Variants in FHAD1 observed in about 807,000 individuals in gnomAD.
FHAD1 encodes forkhead associated phosphopeptide binding domain 1, also known as forkhead-associated domain-containing protein 1.
A neutral mutation model predicts 191.3 loss-of-function variants in FHAD1; 146 were observed. That is an observed-to-expected ratio of 0.76 (90% confidence interval 0.67 to 0.88). The LOEUF (loss-of-function observed/expected upper bound fraction) is 0.88. Ranked by LOEUF, FHAD1 falls within the 40% of genes least tolerant of loss-of-function variation. The pLI is 0.00. For synonymous variants in FHAD1, 616 were observed against 672.3 expected (o/e 0.92, Z 1.29); for missense variants, 1,635 against 1,785.8 (o/e 0.92, Z 1.52).
At chr1:15,367,135 T>C (rs1278794493) in intron 24 of FHAD1, among the ~76,000 whole-genome samples, 1 of 152,156 alleles carries the variant, frequency 6.6e-6, no homozygotes, top group African/African-American at 2.4e-5. Context: ...ATTCTATATC[T>C]GCTCACTCTT....
At position 15,365,481 on chromosome 1, in the gene FHAD1, A is replaced by ATTTT. The variant is rs71587751; in HGVS notation, c.3048-329_3048-326dup. Reference sequence around the variant, plus strand: ...AGCCACACACCACTATGCCTGGCTAATTTTTTTTTTTTTTTTTTTTGTAGA... The same window carrying ATTTT: ...AGCCACACACCACTATGCCTGGCTAATTTTTTTTTTTTTTTTTTTTTTTTGTAGA... On this transcript the variant is annotated intron_variant, in intron 23 of 33. Transcript: ENST00000688493. Among the ~76,000 whole-genome samples, 30 of 112,756 alleles carry ATTTT rather than the reference A, an allele frequency of 2.7e-4. 1 individual carries two copies. The highest frequency in any genetic ancestry group is 9.2e-4 in the East Asian group (4 of 4,336). The allele number at this position is 112,756 out of a possible 152,430, so 74.0% of individuals were successfully genotyped here. A position where few individuals can be genotyped will look rare whatever the true frequency, so the allele number is the denominator to read the frequency against.
chr1:15,276,970 C>T lies in FHAD1; in HGVS notation c.300+4441C>T, dbSNP rs932957349. 6.6e-6 allele frequency among the ~76,000 whole-genome samples: 1 copy of T among 152,126 alleles called. No homozygotes were observed. Among genetic ancestry groups the T allele is most frequent in the Non-Finnish European group, 1.5e-5 (1 of 68,022 alleles). ...ACTGACTCCCTGCCTAAGTGTCAGG[C>T]GTGTGAAATCCAAGTCACAAAGTCA... On this transcript the variant is annotated intron_variant, in intron 3 of 33. Transcript: ENST00000688493. The surrounding 1 kb of genome is among the most constrained non-coding windows in gnomAD (Gnocchi z 4.7).
intron 1 of FHAD1, among the ~76,000 whole-genome samples, chr1:15,239,932 C>A (rs1352311868): frequency 6.6e-6 from 1 of 152,200 alleles, no homozygotes; most frequent in Non-Finnish European, 1.5e-5. Flanking sequence ...ATTCCTAGGT[C>A]TATATCTAAT....
In FHAD1 at chr1:15,311,174, G is replaced by A. The variant is rs776478753; in HGVS notation, c.1040-1883G>A. Among the ~76,000 whole-genome samples the A allele has an allele frequency of 3.9e-5, 6 of 152,144 alleles. No individual in the cohort carries two copies. Among genetic ancestry groups the A allele is most frequent in the Non-Finnish European group, 8.8e-5 (6 of 68,022 alleles). On this transcript the variant is annotated intron_variant, in intron 7 of 33. Coordinates refer to ENST00000688493, the MANE Select transcript of FHAD1 (RefSeq NM_001391957.1). This position sits in a 1 kb window ranked among gnomAD's most constrained non-coding sequence, Gnocchi z 4.1. ...CCAGACAGAGCCCAGTGGTCAGCCC[G>A]ACTTGAGGAGATGGAGGTGGAGAAG...
chr1:15,323,976 G>C (rs545691849), intron 10 of FHAD1, among the ~76,000 whole-genome samples: 1 of 152,308 alleles, frequency 6.6e-6, no homozygotes, highest in East Asian at 1.9e-4. Context: ...TCCTTATGGT[G>C]TTAGGATGAC....
rs183411740 is a variant in FHAD1, at chr1:15,375,458, C to T, written c.3578-145C>T. 1.3e-3 allele frequency: 935 copies of T among 746,658 alleles called. 5 individuals are homozygous for T. The African/African-American group carries it at 0.015, about 12-fold the overall frequency. The allele number at this position is 746,658 out of a possible 1,614,324, so 46.3% of individuals were successfully genotyped here. ...ACCTTGGCCAGGTCATTTAATCTCT[C>T]TAGGACTGTGTCCTCATCTGCCACG... On this transcript the variant is annotated intron_variant, in intron 27 of 33. Coordinates refer to ENST00000688493, the MANE Select transcript of FHAD1 (RefSeq NM_001391957.1).
At chr1:15,330,388 G>C (rs1196548409) in intron 14 of FHAD1, among the ~76,000 whole-genome samples, 3 of 152,134 alleles carry the variant, frequency 2.0e-5, no homozygotes, top group African/African-American at 4.8e-5. Flanking sequence ...GAGACGTAAC[G>C]GGGTCAGGAA....
upstream of FHAD1, among the ~76,000 whole-genome samples, chr1:15,245,757 G>C (rs1645945821): frequency 6.6e-6 from 1 of 152,216 alleles, no homozygotes; most frequent in Non-Finnish European, 1.5e-5. Flanking sequence ...CAGTTCAGCT[G>C]CATAAATCAG....
intron 1 of FHAD1, among the ~76,000 whole-genome samples, chr1:15,249,354 TTTC>T (rs1157734439): frequency 2.0e-5 from 3 of 152,158 alleles, no homozygotes; most frequent in African/African-American, 7.2e-5. Flanking sequence ...TTCCTGTGGC[TTTC>T]CCACAAAAGA....
chr1:15,372,481 T>TCTGTCTGTTAC (rs1698393990), intron 26 of FHAD1, among the ~76,000 whole-genome samples: 1 of 152,202 alleles, frequency 6.6e-6, no homozygotes, highest in East Asian at 1.9e-4. Context: ...TGTGCGCCTG[T>TCTGTCTGTTAC]CTGTCTGTTA....
intron 18 of FHAD1, among the ~76,000 whole-genome samples, chr1:15,346,198 T>C (rs1304421835): frequency 2.0e-5 from 3 of 152,166 alleles, no homozygotes; most frequent in Non-Finnish European, 2.9e-5. Flanking sequence ...CCTGGCTGCC[T>C]CCTGTGGCCT....
intron 26 of FHAD1, among the ~76,000 whole-genome samples, chr1:15,371,228 T>C (rs935659411): frequency 5.3e-5 from 8 of 152,156 alleles, no homozygotes; most frequent in Non-Finnish European, 1.0e-4. Flanking sequence ...ATGCCAGGGA[T>C]AGGAGAAGAC....
chr1:15,299,218 G>GGAAAAAAAAAAAAAAAAAAAAA (rs1667940061), intron 5 of FHAD1, among the ~76,000 whole-genome samples: 3 of 109,130 alleles, frequency 2.7e-5, no homozygotes, highest in African/African-American at 1.4e-4. Flanking sequence ...AAAAAAAAAA[G>GGAAAAAAAAAAAAAAAAAAAAA]GAAAAAAAAA....
Position 15,312,894 on chromosome 1 carries a change from A to G in FHAD1, c.1040-163A>G, listed in dbSNP as rs1672727878. ...CTCCTTCTCACTGGGACCTTGAACA[A>G]ATGATGTGCAGTGGATATTGGTCTC... On this transcript the variant is annotated intron_variant, in intron 7 of 33. Transcript: ENST00000688493. The surrounding 1 kb of genome is among the most constrained non-coding windows in gnomAD (Gnocchi z 4.7). Among the ~76,000 whole-genome samples the G allele has an allele frequency of 6.6e-6, 1 of 152,128 alleles. No individual in the cohort carries two copies. The highest frequency in any genetic ancestry group is 1.5e-5 in the Non-Finnish European group (1 of 68,028).
At position 15,397,378 on chromosome 1, in the gene FHAD1, A is replaced by G; in HGVS notation, c.4405A>G (p.Ser1469Gly). The stretch of plus-strand genomic sequence containing the variant: ...AGAGACCTCCAGCAAGTCCAGCCAG[A>G]GCCTTTTGCATTCTAAGCCCAGTGG... ...RKETSSKSSQ[S>G]LLHSKPSGKY Residue 1469 changes from serine to glycine, a missense_variant, in exon 34 of 34, where the codon AGC (serine) becomes GGC (glycine). Transcript: ENST00000688493. 6.5e-7 allele frequency: 1 copy of G among 1,545,232 alleles called. No individual in the cohort carries two copies. Among genetic ancestry groups the G allele is most frequent in the African/African-American group, 1.4e-5 (1 of 73,100 alleles).
chr1:15,360,602 AC>A lies in FHAD1; in HGVS notation c.2862del (p.His954GlnfsTer6), dbSNP rs1213415549. 3 of 1,551,996 alleles carry A rather than the reference AC, an allele frequency of 1.9e-6. No homozygotes were observed. The highest frequency in any genetic ancestry group is 2.6e-6 in the Non-Finnish European group (3 of 1,147,104). On this transcript the variant is annotated frameshift_variant, in exon 22 of 34. Transcript: ENST00000688493. LOFTEE classifies it high-confidence loss of function. ...GAATATAAGGAGCAAATCAAACAGC[AC>A]GCCCAGACAATTGTGAGCCTCGAAG... ...IMEYKEQIKQ[H>X]AQTIVSLEEK... is the part of the protein sequence containing the mutation.
chr1:15,341,880 G>A lies in FHAD1; in HGVS notation c.2122G>A (p.Glu708Lys). 1 of 1,551,536 alleles carries A rather than the reference G, an allele frequency of 6.4e-7. No individual in the cohort carries two copies. ...AGCCAAAATCAGGCAACTGACGGAA[G>A]AGAAGGCGGTAAGGTGGTCCCTGCC... is the stretch of plus-strand genomic sequence containing the variant. ...LKAKIRQLTE[E>K]KAALEEYITQ... is the part of the protein sequence containing the mutation. The change falls in exon 16 of 34, where the codon GAG (glutamate) becomes AAG (lysine). Residue 708 changes from glutamate (E) to lysine (K), a missense_variant. By Grantham distance (56) the Glu-to-Lys change is moderately conservative. Coordinates refer to ENST00000688493, the MANE Select transcript of FHAD1 (RefSeq NM_001391957.1).
At chr1:15,354,818 A>T (rs1692175764) in intron 20 of FHAD1, among the ~76,000 whole-genome samples, 1 of 152,238 alleles carries the variant, frequency 6.6e-6, no homozygotes, top group Non-Finnish European at 1.5e-5. Context: ...ACCATTCTTG[A>T]TACTAGACTA....
At chr1:15,359,969 T>C (rs1407983674) in intron 21 of FHAD1, among the ~76,000 whole-genome samples, 2 of 150,270 alleles carry the variant, frequency 1.3e-5, no homozygotes, top group African/African-American at 2.5e-5. Context: ...AAAAATTAGC[T>C]GAGTGTGTTG....
Sources: gnomAD v4.1 joint callset for allele counts (sites outside exome capture counted in the v4.1 genomes callset) on GRCh38, gnomAD v4.1.1 for gene constraint, Gnocchi (gnomAD v3.1) non-coding constraint, MANE v1.5 for transcripts, NCBI Gene and HGNC (gene_info 2026-07-23, HGNC 2026-07-21) for gene names.